Variants in ADGRL3 observed in about 807,000 individuals in gnomAD.
The protein encoded by ADGRL3 is calcium-independent alpha-latrotoxin receptor 3.
A neutral mutation model predicts 153.5 loss-of-function variants in ADGRL3; 62 were observed. That is an observed-to-expected ratio of 0.40 (90% CI 0.33 to 0.50). The LOEUF (loss-of-function observed/expected upper bound fraction) is 0.50. Among genes scored for constraint, ADGRL3 ranks in the 20% least tolerant of loss-of-function variants. ADGRL3 has a pLI of 0.47. For synonymous variants in ADGRL3, 710 were observed against 672.5 expected, an observed-to-expected ratio of 1.06 and a Z score of -0.86; for missense variants, 1,641 against 1,859.4, an observed-to-expected ratio of 0.88 and a Z score of 2.16.
intron 8 of ADGRL3, among the ~76,000 whole-genome samples, chr4:61,757,414 G>A (rs1328090072): frequency 6.6e-6 from 1 of 152,124 alleles, no homozygotes; most frequent in Non-Finnish European, 1.5e-5. Context: ...GCATAGAGGT[G>A]TTTATAGTAT....
chr4:61,315,754 C>A (rs2095187869), intron 1 of ADGRL3, among the ~76,000 whole-genome samples: 1 of 152,158 alleles, frequency 6.6e-6, no homozygotes, highest in Non-Finnish European at 1.5e-5. Context: ...GCCATAAAAT[C>A]ATTTTCAGAC....
chr4:61,767,546 C>T (rs1229424585), intron 8 of ADGRL3, among the ~76,000 whole-genome samples: 4 of 152,150 alleles, frequency 2.6e-5, no homozygotes, highest in East Asian at 1.9e-4. Flanking sequence ...CCGAGGCAAT[C>T]GGGCAGTGTC....
intron 1 of ADGRL3, among the ~76,000 whole-genome samples, chr4:61,234,657 T>G (rs928270380): frequency 6.6e-6 from 1 of 152,102 alleles, no homozygotes; most frequent in Non-Finnish European, 1.5e-5. Context: ...GTCGGAGAGC[T>G]TGGAGCTTAG....
intron 6 of ADGRL3, among the ~76,000 whole-genome samples, chr4:61,712,784 G>A (rs1300714335): frequency 6.6e-6 from 1 of 152,200 alleles, no homozygotes; most frequent in Non-Finnish European, 1.5e-5. Context: ...AATGAAGCCA[G>A]TGCTGTCTTA....
intron 9 of ADGRL3, among the ~76,000 whole-genome samples, chr4:61,814,493 A>G (rs1402543548): frequency 6.6e-6 from 1 of 152,150 alleles, no homozygotes; most frequent in African/African-American, 2.4e-5. Context: ...GCTTTTAAAT[A>G]AATATTTACC....
At chr4:61,792,225 TTTC>T (rs55740618) in intron 8 of ADGRL3, among the ~76,000 whole-genome samples, 69,775 of 151,558 alleles carry the variant, frequency 0.46, 16,322 homozygotes, top group East Asian at 0.6. Flanking sequence ...TGCTTAGAAA[TTTC>T]TTCTTCCAGG....
intron 1 of ADGRL3, among the ~76,000 whole-genome samples, chr4:61,382,766 T>C (rs1256730006): frequency 6.6e-6 from 1 of 151,826 alleles, no homozygotes; most frequent in African/African-American, 2.4e-5. Flanking sequence ...GACTAATCAA[T>C]CCCAGTATCT....
chr4:61,895,596 C>T, intron 10 of ADGRL3, 135 bp from the exon 11 acceptor site: 1 of 523,942 alleles, frequency 1.9e-6, no homozygotes, highest in Non-Finnish European at 3.4e-6. Flanking sequence ...TGCTTACTGG[C>T]ACTGTATCTG....
chr4:61,886,635 T>C (rs796321124), intron 9 of ADGRL3, among the ~76,000 whole-genome samples: 2 of 149,162 alleles, frequency 1.3e-5, no homozygotes, highest in African/African-American at 5.1e-5. Context: ...TTTGTTTGTT[T>C]GTTTGTTTGT....
At chr4:61,376,112 G>T (rs2096599424) in intron 1 of ADGRL3, among the ~76,000 whole-genome samples, 1 of 151,922 alleles carries the variant, frequency 6.6e-6, no homozygotes, top group Non-Finnish European at 1.5e-5. Context: ...ACTTCCAATT[G>T]TTTTGAACTG....
chr4:61,416,010 T>C (rs1301731961), intron 2 of ADGRL3, among the ~76,000 whole-genome samples: 1 of 152,124 alleles, frequency 6.6e-6, no homozygotes, highest in Non-Finnish European at 1.5e-5. Flanking sequence ...GTCTCTTCTA[T>C]GGTTTAATTA....
rs139897073 is a variant in ADGRL3, at chr4:61,663,956, C to G, written c.474-12870C>G. 2.6e-5 allele frequency among the ~76,000 whole-genome samples: 4 copies of G among 152,278 alleles called. No homozygotes were observed. The East Asian group carries it at 7.7e-4, about 29-fold the overall frequency. On this transcript the variant is annotated intron_variant, in intron 5 of 26. Transcript: ENST00000683033. ...GTCATAAGTTGTCATCAGAGTCATTCTAACACAGGTCAACTAACGCAGTTA... is the reference window on the plus strand; with the variant it reads ...GTCATAAGTTGTCATCAGAGTCATTGTAACACAGGTCAACTAACGCAGTTA...
chr4:61,929,951 G>T (rs935890822), intron 13 of ADGRL3, among the ~76,000 whole-genome samples: 1 of 152,068 alleles, frequency 6.6e-6, no homozygotes, highest in Non-Finnish European at 1.5e-5. Flanking sequence ...CGAGGCAGGC[G>T]GATCATGAGG....
intron 5 of ADGRL3, among the ~76,000 whole-genome samples, chr4:61,640,829 A>C (rs1295017734): frequency 6.6e-6 from 1 of 152,202 alleles, no homozygotes; most frequent in Non-Finnish European, 1.5e-5. Context: ...TTTTGACAAA[A>C]GTACTTTGTC....
At chr4:61,243,445 T>A (rs549055784) in intron 1 of ADGRL3, among the ~76,000 whole-genome samples, 115 of 152,142 alleles carry the variant, frequency 7.6e-4, no homozygotes, top group Non-Finnish European at 1.5e-3. Flanking sequence ...CCACCCAATC[T>A]CTGCTTCTCC....
intron 3 of ADGRL3, among the ~76,000 whole-genome samples, chr4:61,513,266 T>TA (rs768166400): frequency 9.2e-5 from 14 of 152,114 alleles, no homozygotes; most frequent in South Asian, 4.1e-4. Flanking sequence ...TACTTAATTT[T>TA]AAAAAAATTA....
At chr4:61,927,501 T>G (rs2150056949) in intron 13 of ADGRL3, among the ~76,000 whole-genome samples, 1 of 152,242 alleles carries the variant, frequency 6.6e-6, no homozygotes, top group South Asian at 2.1e-4. Flanking sequence ...AATTAAGACT[T>G]GAAAATGCCA....
chr4:61,276,134 C>T (rs966164083), intron 1 of ADGRL3, among the ~76,000 whole-genome samples: 4 of 152,040 alleles, frequency 2.6e-5, no homozygotes, highest in African/African-American at 9.7e-5. Context: ...AAAACCAATC[C>T]ATTAAATAAA....
At chr4:61,570,275 A>G (rs1227846543) in intron 4 of ADGRL3, among the ~76,000 whole-genome samples, 1 of 152,144 alleles carries the variant, frequency 6.6e-6, no homozygotes, top group African/African-American at 2.4e-5. Context: ...TTTTGATAGC[A>G]TCCTGTCCCT....
Sources: allele counts gnomAD v4.1 joint callset (sites outside exome capture counted in the v4.1 genomes callset), GRCh38; gene constraint gnomAD v4.1.1; transcripts MANE v1.5; gene names NCBI Gene and HGNC (gene_info 2026-07-23, HGNC 2026-07-21).